TSPAN7: variants seen among roughly 807,000 people sequenced by gnomAD.
The protein encoded by TSPAN7 is tetraspanin-7.
A neutral mutation model predicts 17.6 loss-of-function variants in TSPAN7; 1 was observed. That is an observed-to-expected ratio of 0.06 (90% confidence interval 0.02 to 0.27). The LOEUF (loss-of-function observed/expected upper bound fraction) is 0.27. TSPAN7 is among the 10% of genes least tolerant of loss of function. The probability of loss-of-function intolerance (pLI) is 1.00; values close to 1 mark genes in which losing one functional copy is unlikely to be tolerated. For missense variants in TSPAN7, 112 were observed against 201.7 expected (o/e 0.56, Z 2.69); for synonymous variants, 78 against 79.0 (o/e 0.99, Z 0.07).
chrX:38,563,115 T>A (rs1421009042), intron 1 of TSPAN7: 2 of 969,124 alleles, frequency 2.1e-6, no homozygotes, highest in Admixed American at 6.1e-5. Context: ...ATCGCTGGCG[T>A]TGGTGGTTCT....
chrX:38,577,225 G>C (rs747745941), intron 1 of TSPAN7, among the ~76,000 whole-genome samples: 1 of 111,801 alleles, frequency 8.9e-6, no homozygotes, highest in South Asian at 3.8e-4. Flanking sequence ...TGTTTAGTTT[G>C]AGACAAAGGT....
At chrX:38,580,180 CA>C (rs779998365) in intron 1 of TSPAN7, among the ~76,000 whole-genome samples, 31 of 112,003 alleles carry the variant, frequency 2.8e-4, no homozygotes, top group African/African-American at 8.4e-4. Context: ...ACCAAAACAG[CA>C]GAGTTGAATA....
chrX:38,642,484 T>C (rs2069618563), intron 1 of TSPAN7, among the ~76,000 whole-genome samples: 1 of 111,564 alleles, frequency 9.0e-6, no homozygotes, highest in African/African-American at 3.3e-5. Context: ...ACGAAACAAA[T>C]AAGGAAGGAA....
At chrX:38,631,723 G>A (rs1419517416) in intron 1 of TSPAN7, among the ~76,000 whole-genome samples, 1 of 111,628 alleles carries the variant, frequency 9.0e-6, no homozygotes, top group Non-Finnish European at 1.9e-5. Flanking sequence ...GGCTCTTTCA[G>A]GATTCACATT....
intron 2 of TSPAN7, among the ~76,000 whole-genome samples, chrX:38,668,513 G>T (rs149303617): frequency 1.8e-5 from 2 of 111,604 alleles, no homozygotes; most frequent in African/African-American, 6.5e-5. Flanking sequence ...ATGTCTTTTA[G>T]ATCAAATTTT....
intron 1 of TSPAN7, among the ~76,000 whole-genome samples, chrX:38,613,541 A>G (rs2069433890): frequency 9.0e-6 from 1 of 111,249 alleles, no homozygotes; most frequent in African/African-American, 3.3e-5. Flanking sequence ...ACCTATGACA[A>G]TATATCTTTA....
At chrX:38,588,236 G>T (rs2069269769) in intron 1 of TSPAN7, among the ~76,000 whole-genome samples, 1 of 111,125 alleles carries the variant, frequency 9.0e-6, no homozygotes, top group Non-Finnish European at 1.9e-5. Flanking sequence ...TAGAAGGGTG[G>T]TCTAACTTGA....
At chrX:38,567,562 C>T (rs1339456024) in intron 1 of TSPAN7, among the ~76,000 whole-genome samples, 9 of 112,375 alleles carry the variant, frequency 8.0e-5, no homozygotes, top group East Asian at 2.8e-4. Context: ...ATATCAGGCA[C>T]ATACTTTAGT....
At chrX:38,639,259 C>T (rs1448989583) in intron 1 of TSPAN7, among the ~76,000 whole-genome samples, 1 of 109,566 alleles carries the variant, frequency 9.1e-6, no homozygotes, top group Admixed American at 9.8e-5. Flanking sequence ...CCTGAGGTGT[C>T]TGTTGTCATC....
Position 38,562,930 on chromosome X carries a change from G to C in TSPAN7, c.81+1303G>C, listed in dbSNP as rs960030580. 15 of 903,202 alleles carry C rather than the reference G, an allele frequency of 1.7e-5. No homozygotes were observed. In the African/African-American group the frequency reaches 3.1e-4, roughly 19 times the overall value. The allele number at this position is 903,202 out of a possible 1,213,427, so 74.4% of individuals were successfully genotyped here. ...TTTTCTTCTTGCACCCCTCACCCCCGCCCCTCACCCACCACCATATATTAG... is the reference window on the plus strand; with the variant it reads ...TTTTCTTCTTGCACCCCTCACCCCCCCCCCTCACCCACCACCATATATTAG... On this transcript the variant is annotated intron_variant, in intron 1 of 7. Coordinates refer to ENST00000378482, the MANE Select transcript of TSPAN7 (RefSeq NM_004615.4).
At chrX:38,601,221 G>A (rs1228074293) in intron 1 of TSPAN7, among the ~76,000 whole-genome samples, 2 of 111,566 alleles carry the variant, frequency 1.8e-5, no homozygotes, top group Admixed American at 9.5e-5. Context: ...TCGCTTTCTG[G>A]AAGTACATAT....
intron 1 of TSPAN7, among the ~76,000 whole-genome samples, chrX:38,570,286 A>T (rs2069163350): frequency 8.9e-6 from 1 of 111,951 alleles, no homozygotes; most frequent in Non-Finnish European, 1.9e-5. Flanking sequence ...GGACTTGTAC[A>T]TTATAATCTG....
chrX:38,566,099 GGT>G (rs2069142102), intron 1 of TSPAN7, among the ~76,000 whole-genome samples: 1 of 112,145 alleles, frequency 8.9e-6, no homozygotes, highest in Non-Finnish European at 1.9e-5. Context: ...TATATTTATT[GGT>G]GTTTGGAACC....
In TSPAN7 at chrX:38,674,191, T is replaced by G. The variant is rs763236751; in HGVS notation, c.346-30T>G. 2.7e-6 allele frequency: 3 copies of G among 1,100,260 alleles called. No individual in the cohort carries two copies. In the South Asian group the frequency reaches 5.8e-5, roughly 21 times the overall value. The allele number at this position is 1,100,260 out of a possible 1,213,427, so 90.7% of individuals were successfully genotyped here. A position where few individuals can be genotyped will look rare whatever the true frequency, so the allele number is the denominator to read the frequency against. ...GGAGTCAGTTTGGGCTGTGGTGGAC[T>G]GCAATCACATCCCTCCTTGTCTTCC... is the stretch of plus-strand genomic sequence containing the variant. On this transcript the variant is annotated intron_variant, in intron 3 of 7. Transcript: ENST00000378482.
intron 2 of TSPAN7, 45 bp downstream of exon 2, chrX:38,666,354 G>T: frequency 8.6e-7 from 1 of 1,166,719 alleles, no homozygotes; most frequent in Non-Finnish European, 1.2e-6. Flanking sequence ...CTATATTTTT[G>T]TAAAAATATA....
rs1282320203 is a variant in TSPAN7 at position 38,623,155 on chromosome X, G to A, written c.82-42966G>A. 5 of 318,190 alleles carry A rather than the reference G, an allele frequency of 1.6e-5. No homozygotes were observed. In the East Asian group the frequency reaches 3.9e-4, roughly 25 times the overall value. 26.2% of individuals were successfully genotyped at this position (318,190 alleles called of 1,213,427 possible). On this transcript the variant is annotated intron_variant, in intron 1 of 7. Transcript: ENST00000378482. ...GAGAGCCCATGTGAGGCAGCACTTT[G>A]TAAACCCTGAAGTGTGATCATTGTC... is the stretch of plus-strand genomic sequence containing the variant.
At chrX:38,657,710 G>C (rs1338045252) in intron 1 of TSPAN7, among the ~76,000 whole-genome samples, 1 of 112,507 alleles carries the variant, frequency 8.9e-6, no homozygotes. Context: ...AACATGACTG[G>C]TGTAAGCTAG....
At chrX:38,669,077 C>A (rs1464651971) in intron 2 of TSPAN7, among the ~76,000 whole-genome samples, 1 of 110,751 alleles carries the variant, frequency 9.0e-6, no homozygotes, top group Non-Finnish European at 1.9e-5. Context: ...ACATATTTAG[C>A]AATAGCTAGA....
intron 1 of TSPAN7, among the ~76,000 whole-genome samples, chrX:38,579,502 C>CT (rs1203844406): frequency 1.8e-5 from 2 of 111,042 alleles, no homozygotes; most frequent in East Asian, 5.6e-4. Context: ...AGGAGAATCA[C>CT]TTGAACCTTG....
Sources: gnomAD v4.1 joint callset for allele counts (sites outside exome capture counted in the v4.1 genomes callset) on GRCh38, gnomAD v4.1.1 for gene constraint, MANE v1.5 for transcripts, NCBI Gene and HGNC (gene_info 2026-07-23, HGNC 2026-07-21) for gene names.